The following GPC5 variants were observed in gnomAD, a reference collection of about 807,000 sequenced individuals.
The protein encoded by GPC5 is glypican 5.
GPC5 carries 47 observed loss-of-function variants against 53.9 expected under a neutral mutation model. The observed-to-expected ratio is 0.87, with a 90% confidence interval of 0.69 to 1.11. The LOEUF is 1.11. Ranked by LOEUF, GPC5 falls within the 50% of genes most tolerant of loss-of-function variation. GPC5 has a pLI of 0.00. For missense variants in GPC5, 748 were observed against 713.1 expected, an observed-to-expected ratio of 1.05 and a Z score of -0.56; for synonymous variants, 286 against 263.3, an observed-to-expected ratio of 1.09 and a Z score of -0.84.
chr13:92,771,871 C>A (rs925075764), intron 7 of GPC5, among the ~76,000 whole-genome samples: 6 of 152,156 alleles, frequency 3.9e-5, no homozygotes, highest in Non-Finnish European at 8.8e-5. Flanking sequence ...GCTTACCTGA[C>A]ATCTCCATTT....
At position 91,831,693 on chromosome 13, in the gene GPC5, A is replaced by G. The variant is rs532181512; in HGVS notation, c.1280+75273A>G. Among the ~76,000 whole-genome samples, 8 of 151,918 alleles carry G rather than the reference A, an allele frequency of 5.3e-5. No individual in the cohort carries two copies. The East Asian group carries it at 1.5e-3, about 29-fold the overall frequency. ...AAACTTTGAAAAAAAAAGGCAGCTT[A>G]CCTTCTTAGAAAACTAAAAATATAT... On this transcript the variant is annotated intron_variant, in intron 5 of 7. Transcript: ENST00000377067.
At chr13:92,510,713 G>C (rs921803187) in intron 7 of GPC5, among the ~76,000 whole-genome samples, 1 of 152,140 alleles carries the variant, frequency 6.6e-6, no homozygotes, top group African/African-American at 2.4e-5. Flanking sequence ...CTGGCTCCTA[G>C]ATCTCAGCTG....
At chr13:92,161,897 T>G (rs1039446274) in intron 7 of GPC5, among the ~76,000 whole-genome samples, 4 of 147,850 alleles carry the variant, frequency 2.7e-5, no homozygotes, top group African/African-American at 9.9e-5. Flanking sequence ...AACTTTAATG[T>G]TTTATGCTAA....
chr13:91,735,130 G>T (rs1463098617), intron 4 of GPC5, among the ~76,000 whole-genome samples: 4 of 151,174 alleles, frequency 2.6e-5, no homozygotes, highest in African/African-American at 7.4e-5. Context: ...TGATATCAAG[G>T]TTATCAAGTT....
At chr13:92,311,612 C>T (rs890039060) in intron 7 of GPC5, among the ~76,000 whole-genome samples, 3 of 152,148 alleles carry the variant, frequency 2.0e-5, no homozygotes, top group African/African-American at 4.8e-5. Flanking sequence ...AACAAAGTCA[C>T]GTCTTACATG....
At chr13:92,754,715 G>C (rs981976150) in intron 7 of GPC5, among the ~76,000 whole-genome samples, 1 of 151,462 alleles carries the variant, frequency 6.6e-6, no homozygotes, top group Non-Finnish European at 1.5e-5. Flanking sequence ...AACCAACAAA[G>C]ATCAAAAGAG....
intron 7 of GPC5, among the ~76,000 whole-genome samples, chr13:92,735,912 C>T (rs893544401): frequency 6.6e-6 from 1 of 151,962 alleles, no homozygotes; most frequent in African/African-American, 2.4e-5. Context: ...TATGAGGCCT[C>T]TTCTGTATAC....
chr13:91,772,763 T>G (rs2037647592), intron 5 of GPC5, among the ~76,000 whole-genome samples: 1 of 152,118 alleles, frequency 6.6e-6, no homozygotes, highest in Non-Finnish European at 1.5e-5. Context: ...CAAAGTGTGG[T>G]CCCCAAATTC....
intron 5 of GPC5, among the ~76,000 whole-genome samples, chr13:91,846,654 G>A (rs1009520870): frequency 2.6e-5 from 4 of 151,974 alleles, no homozygotes; most frequent in Non-Finnish European, 5.9e-5. Flanking sequence ...GAGGAACTAA[G>A]TGTAATTTCT....
At chr13:92,729,602 T>A (rs1888747638) in intron 7 of GPC5, among the ~76,000 whole-genome samples, 1 of 151,414 alleles carries the variant, frequency 6.6e-6, no homozygotes, top group Non-Finnish European at 1.5e-5. Flanking sequence ...GACCATAAAA[T>A]TAGCCTTTAA....
At chr13:91,479,079 A>C (rs552111016) in intron 2 of GPC5, among the ~76,000 whole-genome samples, 2 of 150,488 alleles carry the variant, frequency 1.3e-5, no homozygotes, top group African/African-American at 2.4e-5. Flanking sequence ...CGCCTGGCTA[A>C]TTTTTTGTAT....
rs1344347600 is a variant in GPC5 at position 92,094,643 on chromosome 13, A to T, written c.1402-50187A>T. Among the ~76,000 whole-genome samples the T allele has an allele frequency of 3.3e-5, 5 of 151,990 alleles. No homozygotes were observed. The East Asian group carries it at 9.6e-4, about 29-fold the overall frequency. On this transcript the variant is annotated intron_variant, in intron 6 of 7. Coordinates refer to ENST00000377067, the MANE Select transcript of GPC5 (RefSeq NM_004466.6). ...CTGTAAACAGAATGTAACAAACTAT[A>T]TATTGCTTGGCCCCCAAACATTTCA...
At chr13:91,805,829 G>A (rs543760383) in intron 5 of GPC5, among the ~76,000 whole-genome samples, 1 of 152,154 alleles carries the variant, frequency 6.6e-6, no homozygotes, top group Non-Finnish European at 1.5e-5. Context: ...AGGTGGCAGA[G>A]GCTTCTAAGA....
chr13:91,905,630 A>G (rs1366040675), intron 5 of GPC5, among the ~76,000 whole-genome samples: 1 of 152,114 alleles, frequency 6.6e-6, no homozygotes, highest in Non-Finnish European at 1.5e-5. Flanking sequence ...GAAGTATATT[A>G]TCTCAGGAAG....
chr13:92,258,693 C>A (rs1287245788), intron 7 of GPC5, among the ~76,000 whole-genome samples: 1 of 152,110 alleles, frequency 6.6e-6, no homozygotes, highest in Non-Finnish European at 1.5e-5. Context: ...AGTCTTCATC[C>A]TAAATACACA....
At chr13:91,863,556 C>G (rs1049129191) in intron 5 of GPC5, among the ~76,000 whole-genome samples, 1 of 152,188 alleles carries the variant, frequency 6.6e-6, no homozygotes, top group Non-Finnish European at 1.5e-5. Flanking sequence ...CTCTCTCACT[C>G]TCTTTCTCTC....
intron 6 of GPC5, among the ~76,000 whole-genome samples, chr13:92,077,733 A>G (rs2041263587): frequency 6.6e-6 from 1 of 152,208 alleles, no homozygotes; most frequent in Non-Finnish European, 1.5e-5. Context: ...ATGTGTGGAT[A>G]AGAGAGCAAA....
intron 6 of GPC5, among the ~76,000 whole-genome samples, chr13:92,134,860 G>A (rs1183445646): frequency 3.3e-5 from 5 of 151,870 alleles, no homozygotes; most frequent in Admixed American, 3.3e-4. Context: ...TGTGCCATTC[G>A]TGTGTGTGTG....
At chr13:91,657,148 A>T (rs1317440432) in intron 2 of GPC5, among the ~76,000 whole-genome samples, 2 of 152,182 alleles carry the variant, frequency 1.3e-5, no homozygotes, top group African/African-American at 4.8e-5. Flanking sequence ...TACTGGCAGG[A>T]GAAAGAAGAT....
Sources: allele counts gnomAD v4.1 joint callset (sites outside exome capture counted in the v4.1 genomes callset), GRCh38; gene constraint gnomAD v4.1.1; transcripts MANE v1.5; gene names NCBI Gene and HGNC (gene_info 2026-07-23, HGNC 2026-07-21).